Variants in FOXO1 observed in about 807,000 individuals in gnomAD.
The protein encoded by FOXO1 is forkhead box O1.
FOXO1 carries 6 observed loss-of-function variants against 44.1 expected under a neutral mutation model. The observed-to-expected ratio is 0.14, with a 90% CI of 0.07 to 0.27. The LOEUF (loss-of-function observed/expected upper bound fraction) is 0.27, where lower values mean the gene tolerates loss of function less well. Ranked by LOEUF, FOXO1 falls within the 10% of genes least tolerant of loss-of-function variation. FOXO1 has a pLI of 1.00. For synonymous variants in FOXO1, 380 were observed against 362.7 expected (o/e 1.05, Z -0.54); for missense variants, 737 against 888.8 (o/e 0.83, Z 2.17).
At chr13:40,638,960 A>C (rs60491937) in intron 1 of FOXO1, among the ~76,000 whole-genome samples, 4,375 of 152,260 alleles carry the variant, frequency 0.029, 179 homozygotes, top group African/African-American at 0.096. Flanking sequence ...TTGGGAGGCC[A>C]ATGCGGGTGG....
chr13:40,649,624 A>G (rs1215476429), intron 1 of FOXO1, among the ~76,000 whole-genome samples: 1 of 152,222 alleles, frequency 6.6e-6, no homozygotes, highest in Non-Finnish European at 1.5e-5. Flanking sequence ...GATCATTTAC[A>G]TCGTTCAATG....
intron 1 of FOXO1, among the ~76,000 whole-genome samples, chr13:40,579,165 TTA>T (rs1365377872): frequency 6.6e-6 from 1 of 152,200 alleles, no homozygotes; most frequent in African/African-American, 2.4e-5. Flanking sequence ...TGGTGAGATT[TTA>T]TGATTATGCC....
intron 1 of FOXO1, chr13:40,619,849 C>T: frequency 1.3e-6 from 1 of 754,318 alleles, no homozygotes; most frequent in African/African-American, 1.7e-5. Context: ...CTAACTCAGG[C>T]AAAGGGAGGC....
chr13:40,650,030 TAAAA>T (rs1414226425), intron 1 of FOXO1, among the ~76,000 whole-genome samples: 1 of 152,176 alleles, frequency 6.6e-6, no homozygotes, highest in Non-Finnish European at 1.5e-5. Flanking sequence ...AGTAAAGTAA[TAAAA>T]GAATGGCTAC....
chr13:40,625,658 T>TA (rs35880404), intron 1 of FOXO1, among the ~76,000 whole-genome samples: 3,890 of 146,916 alleles, frequency 0.026, 98 homozygotes, highest in Middle Eastern at 0.067. Flanking sequence ...GCTTTCACTT[T>TA]AAAAAAAAAA....
intron 1 of FOXO1, among the ~76,000 whole-genome samples, chr13:40,573,901 C>T (rs1874641002): frequency 6.6e-6 from 1 of 152,176 alleles, no homozygotes; most frequent in Admixed American, 6.5e-5. Flanking sequence ...ATTAAATGAA[C>T]CATTTTTTAG....
At position 40,639,669 on chromosome 13, in the gene FOXO1, C is replaced by G. The variant is rs574063994; in HGVS notation, c.630+25914G>C. On this transcript the variant is annotated intron_variant, in intron 1 of 2. Transcript: ENST00000379561. ...GCTTTGCACGGTGTTTAGCAGCACC[C>G]CTGATCTCTAATCACTAGATGCCAG... is the stretch of plus-strand genomic sequence containing the variant. Among the ~76,000 whole-genome samples, 306 of 152,308 alleles carry G rather than the reference C, an allele frequency of 2.0e-3. 1 individual carries two copies. Among genetic ancestry groups the G allele is most frequent in the Non-Finnish European group, 3.3e-3 (224 of 68,038 alleles).
rs1878244738 is a variant in FOXO1 at position 40,666,183 on chromosome 13, G to A, written c.30C>T (p.Ile10=). ...GGGGCAGCGGCTCGAAGTCCGGGTC[G>A]ATCTCCACCACCTGAGGCGCCTCGG... is the stretch of plus-strand genomic sequence containing the variant. MAEAPQVVE[I]DPDFEPLPRP... Residue 10 remains isoleucine (I), a synonymous_variant, in exon 1 of 3, where the codon ATC becomes ATT. Coordinates refer to ENST00000379561, the MANE Select transcript of FOXO1 (RefSeq NM_002015.4). The A allele has an allele frequency of 1.4e-6, 2 of 1,456,032 alleles. No individual in the cohort carries two copies. The highest frequency in any genetic ancestry group is 4.8e-5 in the Admixed American group (2 of 41,446). 90.2% of individuals were successfully genotyped at this position (1,456,032 alleles called of 1,614,324 possible).
intron 1 of FOXO1, among the ~76,000 whole-genome samples, chr13:40,630,374 G>A (rs1273164267): frequency 6.6e-6 from 1 of 151,884 alleles, no homozygotes; most frequent in Non-Finnish European, 1.5e-5. Flanking sequence ...GGAAAAACCA[G>A]CCTGGTGCAG....
chr13:40,656,747 T>C (rs1877871287), intron 1 of FOXO1, among the ~76,000 whole-genome samples: 1 of 152,242 alleles, frequency 6.6e-6, no homozygotes, highest in African/African-American at 2.4e-5. Flanking sequence ...ATTTGGTCCA[T>C]AACACAGCAT....
chr13:40,582,981 A>C (rs1357583506), intron 1 of FOXO1, among the ~76,000 whole-genome samples: 1 of 152,208 alleles, frequency 6.6e-6, no homozygotes, highest in East Asian at 1.9e-4. Flanking sequence ...CTTGGGCCTT[A>C]ATAAAATATA....
At chr13:40,629,172 CA>C (rs1447062919) in intron 1 of FOXO1, among the ~76,000 whole-genome samples, 1 of 149,706 alleles carries the variant, frequency 6.7e-6, no homozygotes. Flanking sequence ...GACAGAGTTT[CA>C]CTCTTGTTGC....
chr13:40,657,611 G>A (rs143374675), intron 1 of FOXO1, among the ~76,000 whole-genome samples: 157 of 152,224 alleles, frequency 1.0e-3, no homozygotes, highest in African/African-American at 3.7e-3. Flanking sequence ...TGGGATTACA[G>A]GCATGACCCA....
intron 1 of FOXO1, among the ~76,000 whole-genome samples, chr13:40,566,442 G>T (rs1343581010): frequency 6.6e-6 from 1 of 150,658 alleles, no homozygotes; most frequent in African/African-American, 2.4e-5. Context: ...GCAGTGGCTT[G>T]ATCTTGGCTC....
At position 40,654,228 on chromosome 13, in the gene FOXO1, A is replaced by G. The variant is rs1187135435; in HGVS notation, c.630+11355T>C. Among the ~76,000 whole-genome samples, 4 of 149,878 alleles carry G rather than the reference A, an allele frequency of 2.7e-5. No homozygotes were observed. In the East Asian group the frequency reaches 7.9e-4, roughly 30 times the overall value. On this transcript the variant is annotated intron_variant, in intron 1 of 2. Transcript: ENST00000379561. ...CTCGGTGGCTCATGCCTGTAATCTC[A>G]GCACTTTGGGAGGCTGAGGTGGGCA...
chr13:40,662,164 C>G (rs1179761505), intron 1 of FOXO1, among the ~76,000 whole-genome samples: 10 of 96,766 alleles, frequency 1.0e-4, no homozygotes, highest in Non-Finnish European at 1.8e-4. Context: ...GAGTGAGACT[C>G]TGACTCAAAA....
chr13:40,566,892 A>G (rs577873387), intron 1 of FOXO1, among the ~76,000 whole-genome samples: 47 of 152,292 alleles, frequency 3.1e-4, no homozygotes, highest in African/African-American at 1.1e-3. Context: ...AGTGAACAGA[A>G]CTAGCTCTAA....
intron 1 of FOXO1, among the ~76,000 whole-genome samples, chr13:40,561,081 G>A (rs1013204109): frequency 5.3e-5 from 8 of 152,086 alleles, no homozygotes; most frequent in East Asian, 1.9e-4. Flanking sequence ...GGCTGGGTGC[G>A]GTGGCTCACG....
At chr13:40,664,955 G>C (rs1181979871) in intron 1 of FOXO1, among the ~76,000 whole-genome samples, 1 of 151,884 alleles carries the variant, frequency 6.6e-6, no homozygotes, top group African/African-American at 2.4e-5. Context: ...CCTCGGGCTC[G>C]GGACGCCGGG....
Sources: allele counts gnomAD v4.1 joint callset (sites outside exome capture counted in the v4.1 genomes callset), GRCh38; gene constraint gnomAD v4.1.1; transcripts MANE v1.5; gene names NCBI Gene and HGNC (gene_info 2026-07-23, HGNC 2026-07-21).